Variants in GRIP1 observed in about 807,000 individuals in gnomAD.
The protein encoded by GRIP1 is glutamate receptor interacting protein 1.
GRIP1 carries 45 observed loss-of-function variants against 129.9 expected under a neutral mutation model. The ratio of observed to expected loss-of-function variants is 0.35; its 90% CI spans 0.27 to 0.44. GRIP1 has a LOEUF of 0.44. Ranked by LOEUF, GRIP1 falls within the 20% of genes least tolerant of loss-of-function variation. GRIP1 has a pLI of 1.00. For missense variants in GRIP1, 1,196 were observed against 1,396.8 expected (o/e 0.86, Z 2.29); for synonymous variants, 530 against 520.8 (o/e 1.02, Z -0.24).
At chr12:66,987,678 A>T (rs1433948577) in intron 1 of GRIP1, among the ~76,000 whole-genome samples, 1 of 152,190 alleles carries the variant, frequency 6.6e-6, no homozygotes, top group Non-Finnish European at 1.5e-5. Flanking sequence ...TGGTTTTTTC[A>T]ACAGCTTGCT....
chr12:66,355,492 T>C (rs1309052789), intron 23 of GRIP1, among the ~76,000 whole-genome samples: 1 of 152,172 alleles, frequency 6.6e-6, no homozygotes, highest in Admixed American at 6.5e-5. Context: ...AGCCCCACTT[T>C]ACTACATAAA....
chr12:66,647,766 G>A (rs114229149), intron 1 of GRIP1, among the ~76,000 whole-genome samples: 1,927 of 152,192 alleles, frequency 0.013, 48 homozygotes, highest in African/African-American at 0.044. Context: ...AATCATGATC[G>A]TCTTTTTCCT....
chr12:66,846,857 C>A (rs1297437766), intron 1 of GRIP1, among the ~76,000 whole-genome samples: 2 of 152,124 alleles, frequency 1.3e-5, no homozygotes, highest in African/African-American at 4.8e-5. Context: ...AGGCAGGAGC[C>A]TTTACTGTGG....
At chr12:66,428,336 A>C (rs576832545) in intron 14 of GRIP1, among the ~76,000 whole-genome samples, 7 of 152,268 alleles carry the variant, frequency 4.6e-5, no homozygotes, top group Admixed American at 2.6e-4. Flanking sequence ...ACAGGAACCA[A>C]TCTCTTCTAA....
chr12:66,990,569 T>A (rs933886979), intron 1 of GRIP1, among the ~76,000 whole-genome samples: 2 of 152,230 alleles, frequency 1.3e-5, no homozygotes, highest in African/African-American at 4.8e-5. Context: ...GTGAGGCTCA[T>A]GTAATACTCA....
At chr12:66,892,951 G>A (rs1779834139) in intron 1 of GRIP1, among the ~76,000 whole-genome samples, 1 of 152,154 alleles carries the variant, frequency 6.6e-6, no homozygotes, top group Middle Eastern at 3.2e-3. Context: ...AGGTGATAGA[G>A]CAAGACGCTG....
intron 1 of GRIP1, among the ~76,000 whole-genome samples, chr12:67,058,909 G>T (rs992845764): frequency 6.6e-6 from 1 of 152,128 alleles, no homozygotes; most frequent in Non-Finnish European, 1.5e-5. Flanking sequence ...AGGAAAGGAG[G>T]AGCAAAAAAT....
intron 1 of GRIP1, among the ~76,000 whole-genome samples, chr12:67,063,909 G>T (rs1002560556): frequency 6.6e-6 from 1 of 152,114 alleles, no homozygotes; most frequent in Non-Finnish European, 1.5e-5. Flanking sequence ...TGTCGGCAAA[G>T]GACAAATATA....
At chr12:66,359,873 C>G (rs1394533644) in intron 23 of GRIP1, among the ~76,000 whole-genome samples, 1 of 152,118 alleles carries the variant, frequency 6.6e-6, no homozygotes, top group African/African-American at 2.4e-5. Flanking sequence ...CCCTGTTTAC[C>G]TGGATATTGG....
chr12:66,894,353 T>A (rs959420512), intron 1 of GRIP1, among the ~76,000 whole-genome samples: 1 of 152,302 alleles, frequency 6.6e-6, no homozygotes, highest in African/African-American at 2.4e-5. Context: ...CAAGCCAGCA[T>A]GTGTGTCTTG....
intron 1 of GRIP1, among the ~76,000 whole-genome samples, chr12:66,662,274 C>T (rs1383676358): frequency 3.9e-5 from 6 of 152,084 alleles, no homozygotes; most frequent in Admixed American, 3.3e-4. Flanking sequence ...TCATTGCCTG[C>T]TGTAGTCAAA....
exon 1 of GRIP1, chr12:66,804,108 C>T (rs550960728): frequency 1.3e-5 from 6 of 455,890 alleles, no homozygotes; most frequent in Middle Eastern, 3.3e-4. Context: ...CGTGGTAATC[C>T]TCTTCTGGTC....
chr12:66,907,951 G>C (rs2137298928), intron 1 of GRIP1, among the ~76,000 whole-genome samples: 1 of 152,124 alleles, frequency 6.6e-6, no homozygotes, highest in African/African-American at 2.4e-5. Flanking sequence ...TGCCCTTCAA[G>C]ATGACAGAGA....
chr12:66,449,504 G>GT (rs2058717949), intron 11 of GRIP1, among the ~76,000 whole-genome samples: 1 of 152,138 alleles, frequency 6.6e-6, no homozygotes, highest in African/African-American at 2.4e-5. Flanking sequence ...CTGGATTAAG[G>GT]TTAACATAGC....
At chr12:66,713,735 T>C (rs2035783712) in intron 1 of GRIP1, among the ~76,000 whole-genome samples, 1 of 152,038 alleles carries the variant, frequency 6.6e-6, no homozygotes, top group African/African-American at 2.4e-5. Flanking sequence ...ACTTTATACC[T>C]GTTTTTGTTG....
At chr12:66,513,528 A>C (rs1403261386) in intron 7 of GRIP1, among the ~76,000 whole-genome samples, 2 of 152,144 alleles carry the variant, frequency 1.3e-5, no homozygotes, top group Non-Finnish European at 2.9e-5. Context: ...ATCTATATCT[A>C]TAATGGGTTC....
chr12:66,476,279 A>G (rs2059607373), intron 7 of GRIP1, among the ~76,000 whole-genome samples: 1 of 152,214 alleles, frequency 6.6e-6, no homozygotes, highest in Non-Finnish European at 1.5e-5. Flanking sequence ...AAATCCATAA[A>G]TTCCTGGACA....
chr12:66,987,902 G>C (rs1404288613), intron 1 of GRIP1, among the ~76,000 whole-genome samples: 2 of 152,190 alleles, frequency 1.3e-5, no homozygotes, highest in Non-Finnish European at 2.9e-5. Context: ...GCCTGGGAAA[G>C]CCACGGAATG....
At chr12:66,598,473 G>A (rs757588193) in intron 1 of GRIP1, among the ~76,000 whole-genome samples, 56 of 152,152 alleles carry the variant, frequency 3.7e-4, no homozygotes, top group Admixed American at 1.6e-3. Context: ...TTAGGTCTTC[G>A]ACTCTTCTCT....
Sources: allele counts gnomAD v4.1 joint callset (sites outside exome capture counted in the v4.1 genomes callset), GRCh38; gene constraint gnomAD v4.1.1; transcripts MANE v1.5; gene names NCBI Gene and HGNC (gene_info 2026-07-23, HGNC 2026-07-21).